EHMT1: variants seen among roughly 807,000 people sequenced by gnomAD.
EHMT1 encodes the protein histone-lysine N-methyltransferase EHMT1.
In EHMT1, 15 loss-of-function variants were observed where a neutral mutation model predicts 147.2. The ratio of observed to expected loss-of-function variants is 0.10; its 90% CI spans 0.07 to 0.16. The LOEUF is 0.16. Ranked by LOEUF, EHMT1 falls within the 10% of genes least tolerant of loss-of-function variation. The pLI is 1.00. For synonymous variants in EHMT1, 795 were observed against 709.6 expected (o/e 1.12, Z -1.91); for missense variants, 1,587 against 1,772.4 (o/e 0.90, Z 1.88).
chr9:137,766,767 A>C (rs1046806756), intron 10 of EHMT1, among the ~76,000 whole-genome samples: 4 of 152,154 alleles, frequency 2.6e-5, no homozygotes, highest in Non-Finnish European at 4.4e-5. Flanking sequence ...CTTTAAATTT[A>C]AAGTGGCTTT....
chr9:137,743,789 G>T, intron 5 of EHMT1, 113 bp from the exon 6 acceptor site: 1 of 1,335,882 alleles, frequency 7.5e-7, no homozygotes, highest in East Asian at 2.5e-5. Flanking sequence ...GTGTGTCCCC[G>T]CCTCCCCACA....
chr9:137,721,079 T>C (rs1326437477), intron 3 of EHMT1, among the ~76,000 whole-genome samples: 3 of 151,934 alleles, frequency 2.0e-5, no homozygotes, highest in Non-Finnish European at 1.5e-5. Flanking sequence ...CGCTGGTGTT[T>C]CCTCGAGGCT....
intron 1 of EHMT1, among the ~76,000 whole-genome samples, chr9:137,673,591 C>T (rs1338183063): frequency 3.3e-5 from 5 of 152,256 alleles, no homozygotes; most frequent in South Asian, 2.1e-4. Context: ...CCCTCAGACC[C>T]GCACTCCCAG....
At chr9:137,638,276 A>C (rs1483123683) in intron 1 of EHMT1, 1 of 152,058 alleles carries the variant, frequency 6.6e-6, no homozygotes, top group African/African-American at 2.4e-5. Context: ...ATGCCCAGCT[A>C]ATTTTTTGCA....
chr9:137,796,724 A>C lies in EHMT1; in HGVS notation c.2506-2089A>C, dbSNP rs116722871. 5.4e-3 allele frequency among the ~76,000 whole-genome samples: 815 copies of C among 150,754 alleles called. 4 individuals carry two copies. The highest frequency in any genetic ancestry group is 0.01 in the Middle Eastern group (3 of 290). ...ATCTCAAAAAAAAAAAAAAAAAGAA[A>C]TGAAACCACACAGAAAAATAGGCAA... On this transcript the variant is annotated intron_variant, in intron 16 of 26. Transcript: ENST00000460843.
intron 25 of EHMT1, among the ~76,000 whole-genome samples, chr9:137,830,101 T>C (rs1245600760): frequency 7.2e-6 from 1 of 138,932 alleles, no homozygotes; most frequent in Non-Finnish European, 1.5e-5. Context: ...GGATTTTTAC[T>C]TTTTTTTTTT....
intron 8 of EHMT1, among the ~76,000 whole-genome samples, chr9:137,755,153 CTTGAAT>C (rs1437291436): frequency 6.6e-6 from 1 of 152,182 alleles, no homozygotes; most frequent in Non-Finnish European, 1.5e-5. Flanking sequence ...TGCTTATGAC[CTTGAAT>C]CCATCACCAC....
chr9:137,744,161 AAC>A, intron 6 of EHMT1, 71 bp downstream of exon 6: 2 of 1,550,690 alleles, frequency 1.3e-6, no homozygotes, highest in Non-Finnish European at 1.8e-6. Flanking sequence ...TCTGAAAATT[AAC>A]AGTCTGGTCA....
intron 23 of EHMT1, 50 bp from the exon 24 acceptor site, chr9:137,817,389 C>A (rs1410912127): frequency 6.2e-7 from 1 of 1,607,510 alleles, no homozygotes; most frequent in African/African-American, 1.3e-5. Context: ...ACCATTGTGG[C>A]AACAGGCTGA....
chr9:137,728,501 C>T lies in EHMT1; in HGVS notation c.795C>T (p.Cys265=). The T allele has an allele frequency of 1.2e-6, 2 of 1,614,150 alleles. No homozygotes were observed. The highest frequency in any genetic ancestry group is 1.7e-6 in the Non-Finnish European group (2 of 1,180,028). ...ATCAGTCGCTACCTCAGAACCAGTG[C>T]TACATGGCCACCACAAAATCACAGA... The part of the protein sequence containing the change: ...SLHQSLPQNQ[C]YMATTKSQTA... The change falls in exon 4 of 27, where the codon TGC becomes TGT. Residue 265 remains cysteine, a synonymous_variant. Coordinates refer to ENST00000460843, the MANE Select transcript of EHMT1 (RefSeq NM_024757.5).
rs758448536 is a variant in EHMT1 at position 137,813,184 on chromosome 9, C to T, written c.3035+11C>T. ...GAGGATAGTGAGCAGGTGAGCCCAG[C>T]CCCAGGACGGCTTTGTGGCAAATCA... On this transcript the variant is annotated intron_variant, in intron 20 of 26. Transcript: ENST00000460843. The surrounding 1 kb of genome is among the most constrained non-coding windows in gnomAD (Gnocchi z 4.9). 9.3e-6 allele frequency: 15 copies of T among 1,606,738 alleles called. No individual in the cohort carries two copies. In the South Asian group the frequency reaches 1.6e-4, roughly 18 times the overall value.
At chr9:137,815,006 G>A (rs1050176602) in intron 22 of EHMT1, among the ~76,000 whole-genome samples, 5 of 152,118 alleles carry the variant, frequency 3.3e-5, no homozygotes, top group Non-Finnish European at 5.9e-5. Flanking sequence ...AGACGGGAGT[G>A]GGGAGTAGCC....
At chr9:137,675,476 A>G (rs1406163201) in intron 1 of EHMT1, among the ~76,000 whole-genome samples, 1 of 151,816 alleles carries the variant, frequency 6.6e-6, no homozygotes, top group Non-Finnish European at 1.5e-5. Context: ...TTATTTATTT[A>G]TTTTTGAGAT....
At chr9:137,669,085 C>T (rs1210219447) in intron 1 of EHMT1, among the ~76,000 whole-genome samples, 1 of 152,154 alleles carries the variant, frequency 6.6e-6, no homozygotes, top group African/African-American at 2.4e-5. Flanking sequence ...CGGGGTTTCA[C>T]CATGTTGGGC....
chr9:137,624,499 A>G (rs753295651), intron 1 of EHMT1, among the ~76,000 whole-genome samples: 1 of 152,068 alleles, frequency 6.6e-6, no homozygotes, highest in Non-Finnish European at 1.5e-5. Flanking sequence ...TAATTTTAGT[A>G]GAGACAGGGT....
intron 16 of EHMT1, among the ~76,000 whole-genome samples, chr9:137,797,885 G>A (rs1279801734): frequency 6.6e-6 from 1 of 152,242 alleles, no homozygotes; most frequent in Non-Finnish European, 1.5e-5. Flanking sequence ...GGGCCTGTGT[G>A]AGGAGCACAG....
At chr9:137,675,400 C>T (rs1358482722) in intron 1 of EHMT1, among the ~76,000 whole-genome samples, 1 of 147,100 alleles carries the variant, frequency 6.8e-6, no homozygotes, top group Non-Finnish European at 1.5e-5. Flanking sequence ...AATTTGGTGA[C>T]CAATAGGGGG....
intron 1 of EHMT1, among the ~76,000 whole-genome samples, chr9:137,657,448 C>T (rs181618954): frequency 6.8e-4 from 101 of 149,416 alleles, no homozygotes; most frequent in East Asian, 2.9e-3. Flanking sequence ...GAGTGGAAGT[C>T]GGCCTCCCAG....
At chr9:137,808,690 G>A (rs1564801757) in intron 18 of EHMT1, among the ~76,000 whole-genome samples, 3 of 151,802 alleles carry the variant, frequency 2.0e-5, no homozygotes, top group Non-Finnish European at 4.4e-5. Flanking sequence ...GGGGGCGCGT[G>A]GTGGCAGATC....
Sources: gnomAD v4.1 joint callset for allele counts (sites outside exome capture counted in the v4.1 genomes callset) on GRCh38, gnomAD v4.1.1 for gene constraint, Gnocchi (gnomAD v3.1) non-coding constraint, MANE v1.5 for transcripts, NCBI Gene and HGNC (gene_info 2026-07-23, HGNC 2026-07-21) for gene names.